Variants in ZMYND8 observed in about 807,000 individuals in gnomAD.
ZMYND8 encodes the protein MYND-type zinc finger-containing chromatin reader ZMYND8.
Under a neutral mutation model 140.8 loss-of-function variants are expected in ZMYND8, and 37 were observed. The observed-to-expected ratio is 0.26, with a 90% CI of 0.20 to 0.35. The LOEUF (loss-of-function observed/expected upper bound fraction) is 0.35. ZMYND8 is among the 10% of genes least tolerant of loss of function. The pLI, the probability that ZMYND8 is intolerant of heterozygous loss-of-function variation, is 1.00. For synonymous variants in ZMYND8, 592 were observed against 597.1 expected, an observed-to-expected ratio of 0.99 and a Z score of 0.12; for missense variants, 1,068 against 1,570.0, an observed-to-expected ratio of 0.68 and a Z score of 5.40.
intron 3 of ZMYND8, among the ~76,000 whole-genome samples, chr20:47,301,289 G>C (rs2078029440): frequency 6.6e-6 from 1 of 151,426 alleles, no homozygotes; most frequent in Admixed American, 6.6e-5. Context: ...TGAGTAACTG[G>C]GATAACAGGC....
In ZMYND8 at chr20:47,342,503, C is replaced by T. The variant is rs192792917; in HGVS notation, c.85+5353G>A. Among the ~76,000 whole-genome samples the T allele has an allele frequency of 5.6e-3, 829 of 147,494 alleles. 9 individuals carry two copies. Among genetic ancestry groups the T allele is most frequent in the African/African-American group, 0.02 (787 of 39,860 alleles). On this transcript the variant is annotated intron_variant, in intron 2 of 22. Coordinates refer to ENST00000471951, the MANE Select transcript of ZMYND8 (RefSeq NM_001281775.3). ...TGGAGGTTGCAGTGAGCCAAGATCG[C>T]GCCAACTGCACTCCAGCCTGGGAGA...
At chr20:47,307,058 G>A (rs2078544813) in intron 3 of ZMYND8, among the ~76,000 whole-genome samples, 1 of 152,072 alleles carries the variant, frequency 6.6e-6, no homozygotes, top group African/African-American at 2.4e-5. Flanking sequence ...CTATGTTGAT[G>A]TTCTAACCCC....
At chr20:47,264,631 T>C (rs898714766) in intron 11 of ZMYND8, among the ~76,000 whole-genome samples, 1 of 151,734 alleles carries the variant, frequency 6.6e-6, no homozygotes, top group South Asian at 2.1e-4. Context: ...TTAATAGAAT[T>C]GGCCTAGCAC....
chr20:47,220,998 C>T (rs1331123128), intron 20 of ZMYND8, among the ~76,000 whole-genome samples: 1 of 152,150 alleles, frequency 6.6e-6, no homozygotes, highest in Non-Finnish European at 1.5e-5. Flanking sequence ...ATTTCAAGTG[C>T]TCAAAAGCTG....
intron 12 of ZMYND8, among the ~76,000 whole-genome samples, chr20:47,256,372 C>A (rs997859335): frequency 1.3e-5 from 2 of 152,154 alleles, no homozygotes; most frequent in Non-Finnish European, 2.9e-5. Flanking sequence ...GTAATCCCAG[C>A]ACTTTGGGAG....
In ZMYND8 at chr20:47,221,303, G is replaced by A. The variant is rs1197426210; in HGVS notation, c.3417+11C>T. On this transcript the variant is annotated intron_variant, in intron 20 of 22. Transcript: ENST00000471951. ...AGATGTCACTAGCCAAAGGCATGGG[G>A]GGATCCTCACCGAGCCACTCTCCTT... The A allele has an allele frequency of 2.5e-6, 4 of 1,613,716 alleles. No individual in the cohort carries two copies. In the South Asian group the frequency reaches 3.3e-5, roughly 13 times the overall value.
chr20:47,221,253 C>T, intron 20 of ZMYND8, 61 bp downstream of exon 20: 2 of 1,594,332 alleles, frequency 1.3e-6, no homozygotes, highest in Admixed American at 1.7e-5. Context: ...GACAGGGGGT[C>T]CTAAGTCCAC....
intron 3 of ZMYND8, among the ~76,000 whole-genome samples, chr20:47,300,884 T>TTGTGTGTGTGTGTGTGTG (rs200833449): frequency 6.1e-5 from 8 of 130,388 alleles, no homozygotes; most frequent in East Asian, 2.4e-4. Context: ...ACAACTAATT[T>TTGTGTGTGTGTGTGTGTG]TGTGTGTGTG....
intron 13 of ZMYND8, among the ~76,000 whole-genome samples, chr20:47,247,935 G>A (rs2040763081): frequency 6.6e-6 from 1 of 152,224 alleles, no homozygotes; most frequent in Non-Finnish European, 1.5e-5. Flanking sequence ...AACACAGGAA[G>A]AACACAAGCC....
At chr20:47,279,757 CT>C (rs11476452) in intron 10 of ZMYND8, among the ~76,000 whole-genome samples, 40,341 of 143,052 alleles carry the variant, frequency 0.28, 5,396 homozygotes, top group Non-Finnish European at 0.3. Context: ...TTGGTGTCCG[CT>C]TTTTTTTTTT....
At chr20:47,316,837 A>T (rs1464559281) in intron 2 of ZMYND8, among the ~76,000 whole-genome samples, 1 of 151,950 alleles carries the variant, frequency 6.6e-6, no homozygotes, top group South Asian at 2.1e-4. Flanking sequence ...TTCTTTTATT[A>T]TATGTGATAT....
intron 12 of ZMYND8, among the ~76,000 whole-genome samples, chr20:47,261,663 A>G (rs2075167908): frequency 6.6e-6 from 1 of 152,192 alleles, no homozygotes; most frequent in African/African-American, 2.4e-5. Context: ...TATGCTGCAC[A>G]TAGGAAAGGT....
chr20:47,335,794 C>T (rs1055269766), intron 2 of ZMYND8, among the ~76,000 whole-genome samples: 2 of 152,170 alleles, frequency 1.3e-5, no homozygotes, highest in African/African-American at 4.8e-5. Context: ...TGAACAGATG[C>T]ACAGTAGAGA....
intron 15 of ZMYND8, chr20:47,238,009 T>C (rs1411463610): frequency 6.6e-6 from 1 of 152,220 alleles, no homozygotes; most frequent in Admixed American, 6.5e-5. Flanking sequence ...TAAGGTAACC[T>C]TCGCTATCAA....
At chr20:47,211,819 AC>A (rs1202263709) in intron 22 of ZMYND8, among the ~76,000 whole-genome samples, 1 of 152,122 alleles carries the variant, frequency 6.6e-6, no homozygotes, top group Non-Finnish European at 1.5e-5. Context: ...CAAGGAGGGG[AC>A]CATGCTACTA....
At chr20:47,272,110 C>T (rs988588201) in intron 11 of ZMYND8, among the ~76,000 whole-genome samples, 1 of 151,500 alleles carries the variant, frequency 6.6e-6, no homozygotes, top group Non-Finnish European at 1.5e-5. Flanking sequence ...CAGAGTCTCA[C>T]TCTGTTGCCC....
chr20:47,231,293 TGA>T (rs1303899075), intron 16 of ZMYND8, among the ~76,000 whole-genome samples: 3 of 152,196 alleles, frequency 2.0e-5, no homozygotes, highest in Admixed American at 1.3e-4. Context: ...TGACTGGTGC[TGA>T]GTCTCTCCAG....
chr20:47,321,390 T>G (rs1319895940), intron 2 of ZMYND8, among the ~76,000 whole-genome samples: 1 of 151,948 alleles, frequency 6.6e-6, no homozygotes, highest in Non-Finnish European at 1.5e-5. Context: ...GGAAAAGGAG[T>G]TGCGACAGGC....
At chr20:47,212,832 C>T (rs1301662450) in intron 21 of ZMYND8, 107 bp from the exon 22 acceptor site, 15 of 927,090 alleles carry the variant, frequency 1.6e-5, no homozygotes, top group Non-Finnish European at 2.3e-5. Context: ...GTTATTAGAA[C>T]CAGTTGGCAC....
Sources: allele counts gnomAD v4.1 joint callset (sites outside exome capture counted in the v4.1 genomes callset), GRCh38; gene constraint gnomAD v4.1.1; transcripts MANE v1.5; gene names NCBI Gene and HGNC (gene_info 2026-07-23, HGNC 2026-07-21).